MAPRE1: variants seen among roughly 807,000 people sequenced by gnomAD.
MAPRE1 encodes microtubule associated protein RP/EB family member 1.
In MAPRE1, 5 loss-of-function variants were observed where a neutral mutation model predicts 32.1. That is an observed-to-expected ratio of 0.16 (90% CI 0.08 to 0.33). The LOEUF is 0.33. MAPRE1 is among the 10% of genes least tolerant of loss of function. The probability of loss-of-function intolerance (pLI) is 1.00; values close to 1 mark genes in which losing one functional copy is unlikely to be tolerated. For synonymous variants in MAPRE1, 122 were observed against 118.9 expected, an observed-to-expected ratio of 1.03 and a Z score of -0.17; for missense variants, 209 against 327.2, an observed-to-expected ratio of 0.64 and a Z score of 2.79.
chr20:32,835,880 A>C (rs749309417), intron 3 of MAPRE1, among the ~76,000 whole-genome samples: 18 of 152,026 alleles, frequency 1.2e-4, no homozygotes, highest in Non-Finnish European at 4.4e-5. Flanking sequence ...TGTTGGGATT[A>C]CAGGTGTGAG....
intron 5 of MAPRE1, 149 bp from the exon 6 acceptor site, chr20:32,846,469 G>A (rs2146141475): frequency 1.4e-6 from 1 of 724,538 alleles, no homozygotes; most frequent in South Asian, 1.8e-5. Context: ...TTTATCTGAG[G>A]CTGAAGAAAA....
intron 4 of MAPRE1, among the ~76,000 whole-genome samples, chr20:32,837,531 C>T (rs1983234692): frequency 6.6e-6 from 1 of 152,106 alleles, no homozygotes; most frequent in Non-Finnish European, 1.5e-5. Flanking sequence ...AGGGTAGATA[C>T]TCTACAGATG....
chr20:32,834,750 A>T (rs1443422660), intron 3 of MAPRE1, among the ~76,000 whole-genome samples: 1 of 152,134 alleles, frequency 6.6e-6, no homozygotes. Context: ...TGCATTCATT[A>T]TTATGGAATT....
chr20:32,821,745 C>G (rs771518950), intron 1 of MAPRE1, among the ~76,000 whole-genome samples: 12 of 152,144 alleles, frequency 7.9e-5, no homozygotes, highest in Non-Finnish European at 1.6e-4. Flanking sequence ...TATTGTGGTG[C>G]CTTGAAAGTA....
At chr20:32,826,156 G>T (rs2146122179) in intron 2 of MAPRE1, 108 bp downstream of exon 2, 2 of 935,228 alleles carry the variant, frequency 2.1e-6, no homozygotes, top group South Asian at 2.5e-5. Context: ...CAGGGTCTTT[G>T]TTAGGGCCAC....
chr20:32,844,013 C>G (rs1313947043), intron 5 of MAPRE1, among the ~76,000 whole-genome samples: 1 of 152,106 alleles, frequency 6.6e-6, no homozygotes, highest in Non-Finnish European at 1.5e-5. Flanking sequence ...GCCTCCACGC[C>G]CAGCTAATTC....
At chr20:32,845,035 GAA>G (rs1983470862) in intron 5 of MAPRE1, among the ~76,000 whole-genome samples, 8 of 148,382 alleles carry the variant, frequency 5.4e-5, no homozygotes, top group South Asian at 2.1e-4. Context: ...ATGTATGTAT[GAA>G]TGAATGAATG....
At chr20:32,820,201 C>G (rs1269369131) in intron 1 of MAPRE1, among the ~76,000 whole-genome samples, 173 bp downstream of exon 1, 1 of 124,138 alleles carries the variant, frequency 8.1e-6, no homozygotes, top group Non-Finnish European at 1.6e-5. Context: ...CGGGCTGGGC[C>G]TGGGGGCGCG....
intron 3 of MAPRE1, 51 bp downstream of exon 3, chr20:32,833,913 C>T: frequency 2.0e-6 from 3 of 1,486,810 alleles, no homozygotes; most frequent in Non-Finnish European, 2.7e-6. Context: ...ATGATCGTTA[C>T]TAAGGAGGTA....
intron 2 of MAPRE1, 43 bp from the exon 3 acceptor site, chr20:32,833,674 C>A: frequency 1.3e-6 from 2 of 1,578,990 alleles, no homozygotes; most frequent in Non-Finnish European, 1.7e-6. Context: ...GAAGTTCACC[C>A]TGCTTCTTTA....
At chr20:32,820,421 G>A (rs911377447) in intron 1 of MAPRE1, among the ~76,000 whole-genome samples, 5 of 152,154 alleles carry the variant, frequency 3.3e-5, no homozygotes, top group African/African-American at 1.2e-4. Context: ...TTGCCTGAGG[G>A]CCGAGAGATC....
At chr20:32,837,704 G>A (rs973710599) in intron 4 of MAPRE1, among the ~76,000 whole-genome samples, 2 of 152,194 alleles carry the variant, frequency 1.3e-5, no homozygotes, top group African/African-American at 4.8e-5. Flanking sequence ...TATATTTAAA[G>A]TATAAAGTTA....
intron 2 of MAPRE1, among the ~76,000 whole-genome samples, chr20:32,832,858 C>T (rs1226194221): frequency 6.2e-5 from 7 of 112,834 alleles, no homozygotes; most frequent in African/African-American, 1.4e-4. Flanking sequence ...CTGAGAGAAT[C>T]GCTTGAACTC....
At chr20:32,847,937 TATAAC>T (rs1235097048) in intron 6 of MAPRE1, among the ~76,000 whole-genome samples, 1 of 152,116 alleles carries the variant, frequency 6.6e-6, no homozygotes, top group Non-Finnish European at 1.5e-5. Flanking sequence ...GGCTCCTAAG[TATAAC>T]AAAAGGAAGG....
intron 4 of MAPRE1, among the ~76,000 whole-genome samples, chr20:32,839,044 G>A (rs1983279071): frequency 1.3e-5 from 2 of 152,112 alleles, no homozygotes; most frequent in Non-Finnish European, 1.5e-5. Flanking sequence ...ACTGAGAGAC[G>A]TCTATAAATA....
At chr20:32,839,575 G>C (rs1983296798) in intron 4 of MAPRE1, among the ~76,000 whole-genome samples, 160 bp from the exon 5 acceptor site, 1 of 152,182 alleles carries the variant, frequency 6.6e-6, no homozygotes, top group African/African-American at 2.4e-5. Context: ...AGGCAAATGT[G>C]GGAGCGTTGT....
chr20:32,823,316 G>A (rs1982750949), intron 1 of MAPRE1, among the ~76,000 whole-genome samples: 1 of 152,230 alleles, frequency 6.6e-6, no homozygotes, highest in Non-Finnish European at 1.5e-5. Context: ...ACGAAGTACC[G>A]TAAGAGAGCA....
intron 5 of MAPRE1, among the ~76,000 whole-genome samples, chr20:32,844,435 A>T (rs1393132469): frequency 1.5e-4 from 13 of 84,488 alleles, no homozygotes; most frequent in East Asian, 7.4e-4. Flanking sequence ...CCAAGCTAGC[A>T]TTCCTTTTTT....
intron 4 of MAPRE1, among the ~76,000 whole-genome samples, chr20:32,838,728 C>T (rs749185240): frequency 2.6e-5 from 4 of 152,102 alleles, no homozygotes; most frequent in African/African-American, 4.8e-5. Context: ...ATGCTGCTAC[C>T]AGTTGAGTGG....
Sources: allele counts gnomAD v4.1 joint callset (sites outside exome capture counted in the v4.1 genomes callset), GRCh38; gene constraint gnomAD v4.1.1; transcripts MANE v1.5; gene names NCBI Gene and HGNC (gene_info 2026-07-23, HGNC 2026-07-21).